Variants in CRB1 observed in about 807,000 individuals in gnomAD.
CRB1 encodes the protein crumbs cell polarity complex component 1.
CRB1 carries 83 observed loss-of-function variants against 120.0 expected under a neutral mutation model. The observed-to-expected ratio is 0.69, with a 90% CI of 0.58 to 0.83. The LOEUF (loss-of-function observed/expected upper bound fraction) is 0.83. CRB1 is among the 40% of genes least tolerant of loss of function. CRB1 has a pLI of 0.00. For missense variants in CRB1, 1,699 were observed against 1,687.6 expected (o/e 1.01, Z -0.12); for synonymous variants, 625 against 612.5 (o/e 1.02, Z -0.30).
chr1:197,249,172 C>G, the CRB1 span, among the ~76,000 whole-genome samples: 1 of 151,832 alleles, frequency 6.6e-6, no homozygotes, highest in African/African-American at 2.4e-5. Flanking sequence ...TTACAATATC[C>G]TTTGGAGATT....
At chr1:197,299,715 A>C (rs1656756112) in intron 1 of CRB1, among the ~76,000 whole-genome samples, 2 of 152,162 alleles carry the variant, frequency 1.3e-5, no homozygotes, top group Non-Finnish European at 2.9e-5. Flanking sequence ...TACATGCATA[A>C]ATTGTTAAAA....
At chr1:197,429,066 G>A (rs2125487755) in intron 7 of CRB1, 1 of 1,498,648 alleles carries the variant, frequency 6.7e-7, no homozygotes, top group Non-Finnish European at 9.0e-7. Context: ...TAGGATCTTG[G>A]GCAACTGGAA....
chr1:197,424,276 T>C (rs1664471542), intron 6 of CRB1, among the ~76,000 whole-genome samples: 1 of 152,180 alleles, frequency 6.6e-6, no homozygotes, highest in African/African-American at 2.4e-5. Context: ...TATTTCCTTA[T>C]ATTGAAATAG....
chr1:197,374,655 A>C (rs1184402501), intron 5 of CRB1, among the ~76,000 whole-genome samples: 4 of 152,220 alleles, frequency 2.6e-5, no homozygotes, highest in Admixed American at 2.6e-4. Context: ...TTTTACATTC[A>C]ATTTCACTTT....
chr1:197,220,175 T>C, the CRB1 span, among the ~76,000 whole-genome samples: 69 of 152,018 alleles, frequency 4.5e-4, no homozygotes, highest in African/African-American at 1.6e-3. Flanking sequence ...TTAACTAAAA[T>C]TGATTGCAAA....
At chr1:197,348,107 C>T (rs777586239) in intron 4 of CRB1, among the ~76,000 whole-genome samples, 10 of 152,166 alleles carry the variant, frequency 6.6e-5, no homozygotes, top group Non-Finnish European at 1.0e-4. Flanking sequence ...TGGTCAATGA[C>T]GGACCACATA....
At chr1:197,417,592 A>G (rs948095554) in intron 5 of CRB1, among the ~76,000 whole-genome samples, 1 of 152,210 alleles carries the variant, frequency 6.6e-6, no homozygotes, top group African/African-American at 2.4e-5. Flanking sequence ...AAAGAGAGGC[A>G]ACGTCTGCCT....
At chr1:197,255,726 C>T in the CRB1 span, among the ~76,000 whole-genome samples, 4 of 151,690 alleles carry the variant, frequency 2.6e-5, no homozygotes, top group Admixed American at 2.0e-4. Context: ...ATTACCAACA[C>T]CTGAAGTGTT....
At chr1:197,243,123 C>T in the CRB1 span, among the ~76,000 whole-genome samples, 1 of 151,988 alleles carries the variant, frequency 6.6e-6, no homozygotes. Context: ...TTAAAAAAAA[C>T]CAGCTCCTGG....
intron 4 of CRB1, among the ~76,000 whole-genome samples, chr1:197,353,710 A>C (rs1311475509): frequency 6.6e-6 from 1 of 151,518 alleles, no homozygotes; most frequent in East Asian, 2.0e-4. Context: ...CTGAGGCAGG[A>C]GAATCACTTG....
Position 197,469,743 on chromosome 1 carries a change from T to C in CRB1, c.4006-7921T>C, listed in dbSNP as rs1265748797. ...GGAAACAAAAAGAATAATTCACATGTAGCAAATGATAGCTGGCTCCTGCTT... is the reference window on the plus strand; with the variant it reads ...GGAAACAAAAAGAATAATTCACATGCAGCAAATGATAGCTGGCTCCTGCTT... On this transcript the variant is annotated intron_variant, in intron 11 of 11. Transcript: ENST00000367400. Among the ~76,000 whole-genome samples, 3 of 152,210 alleles carry C rather than the reference T, an allele frequency of 2.0e-5. No homozygotes were observed. The East Asian group carries it at 5.8e-4, about 29-fold the overall frequency.
At position 197,440,545 on chromosome 1, in the gene CRB1, C is replaced by T. The variant is rs1407586930; in HGVS notation, c.3879-1621C>T. On this transcript the variant is annotated intron_variant, in intron 10 of 11. Coordinates refer to ENST00000367400, the MANE Select transcript of CRB1 (RefSeq NM_201253.3). The stretch of plus-strand genomic sequence containing the variant: ...TGTTAATGGATTTATTTTTACTTTT[C>T]ATGCATTAATTAACCTCTAATAAAA... 3 of 152,152 alleles carry T rather than the reference C, an allele frequency of 2.0e-5. No homozygotes were observed. The East Asian group carries it at 5.8e-4, about 29-fold the overall frequency. The allele number at this position is 152,152 out of a possible 1,614,324, so 9.4% of individuals were successfully genotyped here.
At chr1:197,462,426 A>G (rs1422048992) in intron 11 of CRB1, among the ~76,000 whole-genome samples, 1 of 152,178 alleles carries the variant, frequency 6.6e-6, no homozygotes, top group Non-Finnish European at 1.5e-5. Flanking sequence ...GTGTCTCAAA[A>G]GGAGTACAAA....
chr1:197,429,003 T>A, intron 7 of CRB1: 1 of 1,526,364 alleles, frequency 6.6e-7, no homozygotes, highest in Non-Finnish European at 8.8e-7. Context: ...GGGCACTCAC[T>A]GAGTTGGGAT....
chr1:197,339,132 C>T (rs969699093), intron 2 of CRB1, among the ~76,000 whole-genome samples: 4 of 152,194 alleles, frequency 2.6e-5, no homozygotes, highest in Admixed American at 6.5e-5. Flanking sequence ...ATCTCATTGG[C>T]TAAAACGCCA....
intron 5 of CRB1, among the ~76,000 whole-genome samples, chr1:197,411,898 T>C (rs1005290684): frequency 5.9e-5 from 9 of 152,206 alleles, no homozygotes; most frequent in Non-Finnish European, 1.0e-4. Context: ...CCATTAGTTA[T>C]TTTTCCTGAT....
At chr1:197,306,507 G>C (rs757839468) in intron 1 of CRB1, among the ~76,000 whole-genome samples, 1 of 152,074 alleles carries the variant, frequency 6.6e-6, no homozygotes, top group African/African-American at 2.4e-5. Flanking sequence ...AAAGTACTAC[G>C]CTGAGATGGA....
intron 5 of CRB1, among the ~76,000 whole-genome samples, chr1:197,378,200 G>A (rs147185993): frequency 5.3e-4 from 81 of 152,250 alleles, no homozygotes; most frequent in Non-Finnish European, 9.6e-4. Flanking sequence ...TGGCACATGC[G>A]AAACCATCAA....
intron 5 of CRB1, among the ~76,000 whole-genome samples, chr1:197,420,553 T>A (rs1317665505): frequency 6.6e-6 from 1 of 152,176 alleles, no homozygotes; most frequent in African/African-American, 2.4e-5. Flanking sequence ...AAACAAGATA[T>A]AAGGCAAAAT....
Sources: gnomAD v4.1 joint callset for allele counts (sites outside exome capture counted in the v4.1 genomes callset) on GRCh38, gnomAD v4.1.1 for gene constraint, MANE v1.5 for transcripts, NCBI Gene and HGNC (gene_info 2026-07-23, HGNC 2026-07-21) for gene names.